TBC1D23: variants seen among roughly 807,000 people sequenced by gnomAD.
The protein encoded by TBC1D23 is HCV non-structural protein 4A-transactivated protein 1.
A neutral mutation model predicts 91.4 loss-of-function variants in TBC1D23; 55 were observed. The ratio of observed to expected loss-of-function variants is 0.60; its 90% CI spans 0.48 to 0.75. The LOEUF (loss-of-function observed/expected upper bound fraction) is 0.75, where lower values mean the gene tolerates loss of function less well. TBC1D23 is among the 30% of genes least tolerant of loss of function. The pLI is 0.00. For missense variants in TBC1D23, 725 were observed against 836.1 expected (o/e 0.87, Z 1.64); for synonymous variants, 289 against 281.0 (o/e 1.03, Z -0.28).
At chr3:100,319,629 T>C (rs1336655427) in intron 17 of TBC1D23, among the ~76,000 whole-genome samples, 2 of 152,092 alleles carry the variant, frequency 1.3e-5, no homozygotes, top group Admixed American at 1.3e-4. Flanking sequence ...GGTTTCTCTA[T>C]GTTGGTCAGG....
chr3:100,294,981 G>A, intron 5 of TBC1D23, 106 bp from the exon 6 acceptor site: 1 of 1,120,174 alleles, frequency 8.9e-7, no homozygotes, highest in Non-Finnish European at 1.3e-6. Flanking sequence ...TAAATATCAG[G>A]TGCAGATAAT....
chr3:100,271,644 C>T (rs985063760), intron 1 of TBC1D23, among the ~76,000 whole-genome samples: 1 of 152,136 alleles, frequency 6.6e-6, no homozygotes, highest in Non-Finnish European at 1.5e-5. Flanking sequence ...GAAGAGAAGC[C>T]TGCTGGCCTA....
At chr3:100,297,860 A>G in intron 8 of TBC1D23, 63 bp from the exon 9 acceptor site, 1 of 1,398,412 alleles carries the variant, frequency 7.2e-7, no homozygotes, top group Non-Finnish European at 9.9e-7. Flanking sequence ...TTTAATAAGA[A>G]TATTTTTAGG....
intron 11 of TBC1D23, among the ~76,000 whole-genome samples, chr3:100,304,527 C>T (rs908621379): frequency 6.6e-6 from 1 of 152,088 alleles, no homozygotes; most frequent in African/African-American, 2.4e-5. Flanking sequence ...TTAAAAATCA[C>T]TCTGATTACA....
chr3:100,280,309 T>C (rs1423363197), intron 2 of TBC1D23, among the ~76,000 whole-genome samples: 1 of 152,156 alleles, frequency 6.6e-6, no homozygotes, highest in Non-Finnish European at 1.5e-5. Flanking sequence ...AGGATGTATA[T>C]TTGCAGATAC....
At chr3:100,323,172 T>C (rs1705894135) in intron 18 of TBC1D23, among the ~76,000 whole-genome samples, 1 of 152,238 alleles carries the variant, frequency 6.6e-6, no homozygotes, top group Non-Finnish European at 1.5e-5. Context: ...AAAGTCAAAC[T>C]ATTAAGTGTT....
chr3:100,304,649 C>T (rs558100066), intron 11 of TBC1D23, among the ~76,000 whole-genome samples, 197 bp from the exon 12 acceptor site: 3 of 152,234 alleles, frequency 2.0e-5, no homozygotes, highest in African/African-American at 7.2e-5. Flanking sequence ...TCTTCCCACC[C>T]AAGCACCAGA....
chr3:100,261,595 T>G (rs1055704696), intron 1 of TBC1D23: 7 of 152,874 alleles, frequency 4.6e-5, no homozygotes, highest in Admixed American at 1.3e-4. Context: ...TTCCAACAGT[T>G]TTCATCGTTC....
chr3:100,279,028 G>A (rs778639210), intron 1 of TBC1D23, among the ~76,000 whole-genome samples: 9 of 152,256 alleles, frequency 5.9e-5, no homozygotes, highest in African/African-American at 9.6e-5. Flanking sequence ...TTAAGAACAC[G>A]AATTCAGGAA....
At chr3:100,306,374 A>G (rs1705517668) in intron 12 of TBC1D23, 63 bp from the exon 13 acceptor site, 1 of 888,544 alleles carries the variant, frequency 1.1e-6, no homozygotes, top group Non-Finnish European at 1.8e-6. Flanking sequence ...TTTCGTTGGT[A>G]ATGAATTTTT....
At chr3:100,318,389 A>G (rs558174770) in intron 16 of TBC1D23, among the ~76,000 whole-genome samples, 1 of 152,264 alleles carries the variant, frequency 6.6e-6, no homozygotes, top group East Asian at 1.9e-4. Context: ...ATAAAACGAA[A>G]TCTGCCATCT....
chr3:100,302,302 A>G, intron 11 of TBC1D23, 65 bp downstream of exon 11: 1 of 1,346,254 alleles, frequency 7.4e-7, no homozygotes. Flanking sequence ...AAATTTACAT[A>G]GATAACTTTT....
At chr3:100,305,057 G>A (rs1230550839) in intron 12 of TBC1D23, among the ~76,000 whole-genome samples, 169 bp downstream of exon 12, 1 of 151,988 alleles carries the variant, frequency 6.6e-6, no homozygotes, top group Non-Finnish European at 1.5e-5. Context: ...ACAGACAAAC[G>A]TAATAGGCAA....
At position 100,302,204 on chromosome 3, in the gene TBC1D23, G is replaced by A. The variant is rs1431099205; in HGVS notation, c.1230G>A (p.Met410Ile). ...FMGSGREEED[M>I]YMNMVLAHFL... ...GCAGTGGCAGGGAGGAAGAAGACAT[G>A]TATATGAACATGGTCCTGGCACACT... is the stretch of plus-strand genomic sequence containing the variant. The change falls in exon 11 of 19, where the codon ATG becomes ATA. Residue 410 changes from methionine to isoleucine, a missense_variant. Physicochemically the swap from Met to Ile is conservative, Grantham distance 10 (BLOSUM62 1). Transcript: ENST00000394144. The A allele has an allele frequency of 6.2e-7, 1 of 1,613,894 alleles. No individual in the cohort carries two copies. Among genetic ancestry groups the A allele is most frequent in the Non-Finnish European group, 8.5e-7 (1 of 1,179,914 alleles).
chr3:100,298,325 GA>G (rs1705344943), intron 9 of TBC1D23, among the ~76,000 whole-genome samples: 1 of 152,108 alleles, frequency 6.6e-6, no homozygotes, highest in South Asian at 2.1e-4. Flanking sequence ...TAGAGCAACT[GA>G]ATGTGGCATT....
chr3:100,318,495 A>C (rs1705793351), intron 16 of TBC1D23, among the ~76,000 whole-genome samples: 1 of 152,138 alleles, frequency 6.6e-6, no homozygotes, highest in South Asian at 2.1e-4. Context: ...AAACAATTGA[A>C]ATACCCCAAA....
intron 11 of TBC1D23, among the ~76,000 whole-genome samples, chr3:100,304,191 C>G (rs1705479126): frequency 6.6e-6 from 1 of 152,094 alleles, no homozygotes; most frequent in Admixed American, 6.6e-5. Flanking sequence ...TCCCCACATT[C>G]TGGATTTTGC....
chr3:100,295,408 A>C, intron 7 of TBC1D23, 60 bp downstream of exon 7: 2 of 1,386,336 alleles, frequency 1.4e-6, no homozygotes, highest in Non-Finnish European at 2.0e-6. Context: ...TAAGTTACTC[A>C]GTTTCCTCAT....
rs1576192527 is a variant in TBC1D23, at chr3:100,324,100, T to G, written c.*432T>G. ...AGACTTCCTTAATTGCTACATTGTT[T>G]TACTCACTGAGCAATATCAGAAACT... On this transcript the variant is annotated 3_prime_UTR_variant, in exon 19 of 19. Transcript: ENST00000394144. 6.6e-6 allele frequency: 1 copy of G among 152,322 alleles called. No individual in the cohort carries two copies. The highest frequency in any genetic ancestry group is 2.1e-4 in the South Asian group (1 of 4,830). 9.4% of individuals were successfully genotyped at this position (152,322 alleles called of 1,614,324 possible).
Sources: gnomAD v4.1 joint callset for allele counts (sites outside exome capture counted in the v4.1 genomes callset) on GRCh38, gnomAD v4.1.1 for gene constraint, MANE v1.5 for transcripts, NCBI Gene and HGNC (gene_info 2026-07-23, HGNC 2026-07-21) for gene names.